The following SAMD12 variants were observed in gnomAD, a reference collection of about 807,000 sequenced individuals.
The protein encoded by SAMD12 is sterile alpha motif domain containing 12, also known as sterile alpha motif domain-containing protein 12.
Under a neutral mutation model 15.0 loss-of-function variants are expected in SAMD12, and 9 were observed. The ratio of observed to expected loss-of-function variants is 0.60; its 90% CI spans 0.36 to 1.05. SAMD12 has a LOEUF of 1.05. Ranked by LOEUF, SAMD12 falls within the 50% of genes least tolerant of loss-of-function variation. The pLI, the probability that SAMD12 is intolerant of heterozygous loss-of-function variation, is 0.01. For missense variants in SAMD12, 230 were observed against 234.2 expected (o/e 0.98, Z 0.12); for synonymous variants, 86 against 90.1 (o/e 0.96, Z 0.25).
rs777160783 is a variant in SAMD12, at chr8:118,246,717, TAGAGAAG to T, written c.434-48992_434-48986del. ...ATATGAGTAGAGTGATATGAGATTT[TAGAGAAG>T]AGGCATTGACCCTCAATTCTGGGAT... On this transcript the variant is annotated intron_variant, in intron 4 of 4. Coordinates refer to the SAMD12 transcript ENST00000409003. 1.9e-3 allele frequency among the ~76,000 whole-genome samples: 290 copies of T among 152,132 alleles called. 3 individuals are homozygous for T. The highest frequency in any genetic ancestry group is 2.4e-3 in the Non-Finnish European group (160 of 68,002).
chr8:118,287,979 C>T, intron 4 of SAMD12, among the ~76,000 whole-genome samples: 1 of 152,064 alleles, frequency 6.6e-6, no homozygotes, highest in East Asian at 1.9e-4. Flanking sequence ...TAATTTAAAT[C>T]CCGTGTTCTG....
intron 1 of SAMD12, among the ~76,000 whole-genome samples, chr8:118,606,132 G>A (rs903012515): frequency 2.0e-5 from 3 of 152,170 alleles, no homozygotes; most frequent in East Asian, 1.9e-4. Context: ...CTTGAGTCAC[G>A]CATTAGGTAC....
chr8:118,580,980 G>A, intron 1 of SAMD12, 87 bp from the exon 2 acceptor site: 2 of 1,029,064 alleles, frequency 1.9e-6, no homozygotes, highest in Non-Finnish European at 1.4e-6. Context: ...GCCTAAGTAG[G>A]AAAAAAACGA....
At chr8:118,344,154 C>T (rs878927626) in intron 4 of SAMD12, among the ~76,000 whole-genome samples, 4 of 152,170 alleles carry the variant, frequency 2.6e-5, no homozygotes, top group Admixed American at 2.6e-4. Context: ...TAGGTCTTTA[C>T]ATTCATTGTT....
At chr8:118,391,439 T>A (rs559965589) in intron 3 of SAMD12, among the ~76,000 whole-genome samples, 5 of 152,202 alleles carry the variant, frequency 3.3e-5, no homozygotes, top group African/African-American at 1.2e-4. Flanking sequence ...GCATTAGACA[T>A]CTTTTTAAAT....
At chr8:118,503,470 A>T (rs1476849423) in intron 2 of SAMD12, among the ~76,000 whole-genome samples, 2 of 152,186 alleles carry the variant, frequency 1.3e-5, no homozygotes, top group African/African-American at 2.4e-5. Context: ...GGGTAAGAGC[A>T]CTTCTAAGGT....
At chr8:118,423,973 C>A (rs1822134583) in intron 3 of SAMD12, among the ~76,000 whole-genome samples, 1 of 152,104 alleles carries the variant, frequency 6.6e-6, no homozygotes, top group Admixed American at 6.6e-5. Flanking sequence ...CTTCTGAATT[C>A]TTTCTACCTT....
intron 2 of SAMD12, among the ~76,000 whole-genome samples, chr8:118,526,970 T>C (rs907671614): frequency 1.3e-5 from 2 of 152,162 alleles, no homozygotes; most frequent in Non-Finnish European, 2.9e-5. Flanking sequence ...ACTGAAGACA[T>C]CCAAATGTCT....
chr8:118,325,781 C>A (rs1014465815), intron 4 of SAMD12, among the ~76,000 whole-genome samples: 1 of 152,140 alleles, frequency 6.6e-6, no homozygotes, highest in African/African-American at 2.4e-5. Flanking sequence ...GTAGTCCTCT[C>A]TATTTTTGAA....
intron 1 of SAMD12, among the ~76,000 whole-genome samples, chr8:118,610,404 A>G (rs1586855403): frequency 6.6e-6 from 1 of 152,332 alleles, no homozygotes; most frequent in African/African-American, 2.4e-5. Flanking sequence ...AACACAGTAG[A>G]GTGAAAAAGC....
chr8:118,617,638 C>A (rs1304640398), intron 1 of SAMD12, among the ~76,000 whole-genome samples: 2 of 152,042 alleles, frequency 1.3e-5, no homozygotes, highest in Non-Finnish European at 2.9e-5. Flanking sequence ...CAATGTCCAT[C>A]CTCCCTATTT....
At chr8:118,458,041 T>C (rs1259339567) in intron 2 of SAMD12, among the ~76,000 whole-genome samples, 1 of 152,164 alleles carries the variant, frequency 6.6e-6, no homozygotes, top group African/African-American at 2.4e-5. Context: ...ATGGAAGTGC[T>C]TAACAAACCA....
At chr8:118,297,279 C>G (rs1217407120) in intron 4 of SAMD12, among the ~76,000 whole-genome samples, 1 of 152,140 alleles carries the variant, frequency 6.6e-6, no homozygotes, top group Non-Finnish European at 1.5e-5. Context: ...CAGAAGAAAA[C>G]TGAGGTTATC....
chr8:118,250,445 T>A (rs188189041), intron 4 of SAMD12, among the ~76,000 whole-genome samples: 2 of 151,874 alleles, frequency 1.3e-5, no homozygotes, highest in Non-Finnish European at 2.9e-5. Flanking sequence ...TTAATTGTGG[T>A]GAATGCCCCC....
chr8:118,426,978 T>A (rs1822253051), intron 3 of SAMD12, among the ~76,000 whole-genome samples: 1 of 152,200 alleles, frequency 6.6e-6, no homozygotes, highest in South Asian at 2.1e-4. Context: ...GATGCACTGA[T>A]GAAGACTCAG....
At chr8:118,434,090 G>A (rs960436372) in intron 3 of SAMD12, among the ~76,000 whole-genome samples, 29 of 152,134 alleles carry the variant, frequency 1.9e-4, no homozygotes, top group Admixed American at 6.5e-5. Context: ...CAAATGCATG[G>A]AGCCACATTC....
intron 3 of SAMD12, among the ~76,000 whole-genome samples, chr8:118,417,039 CAT>C (rs1172651217): frequency 6.6e-6 from 1 of 151,702 alleles, no homozygotes; most frequent in Non-Finnish European, 1.5e-5. Context: ...GTAGTGAACA[CAT>C]GTGTTTGTGC....
intron 4 of SAMD12, among the ~76,000 whole-genome samples, chr8:118,265,465 G>C (rs1468934312): frequency 1.3e-5 from 2 of 152,028 alleles, no homozygotes. Flanking sequence ...AGGATGAATG[G>C]AGGTGAATAC....
chr8:118,423,855 GA>G (rs1822128566), intron 3 of SAMD12, among the ~76,000 whole-genome samples: 1 of 151,982 alleles, frequency 6.6e-6, no homozygotes, highest in Non-Finnish European at 1.5e-5. Flanking sequence ...AACAATATAC[GA>G]AAAATACTTC....
Sources: gnomAD v4.1 joint callset for allele counts (sites outside exome capture counted in the v4.1 genomes callset) on GRCh38, gnomAD v4.1.1 for gene constraint, MANE v1.5 for transcripts, NCBI Gene and HGNC (gene_info 2026-07-23, HGNC 2026-07-21) for gene names.